Variants in DHODH observed in about 807,000 individuals in gnomAD.
The protein encoded by DHODH is dihydroorotate dehydrogenase (quinone), mitochondrial.
Under a neutral mutation model 39.7 loss-of-function variants are expected in DHODH, and 30 were observed. That is an observed-to-expected ratio of 0.76 (90% confidence interval 0.57 to 1.02). DHODH has a LOEUF of 1.02. DHODH is among the 50% of genes least tolerant of loss of function. DHODH has a pLI of 0.00. For missense variants in DHODH, 531 were observed against 520.8 expected, an observed-to-expected ratio of 1.02 and a Z score of -0.19; for synonymous variants, 222 against 213.8, an observed-to-expected ratio of 1.04 and a Z score of -0.34.
chr16:72,012,962 A>G (rs1029668777), intron 2 of DHODH, among the ~76,000 whole-genome samples: 2 of 152,134 alleles, frequency 1.3e-5, no homozygotes, highest in Middle Eastern at 3.2e-3. Context: ...AACCGAATAA[A>G]AGAGTCCCCA....
chr16:72,015,801 G>A (rs2041135539), intron 3 of DHODH: 1 of 985,478 alleles, frequency 1.0e-6, no homozygotes, highest in Non-Finnish European at 1.2e-6. Flanking sequence ...AGGTGAGCAG[G>A]GGTGTGAGAT....
intron 4 of DHODH, among the ~76,000 whole-genome samples, chr16:72,017,867 G>C (rs937867244): frequency 2.8e-5 from 4 of 145,274 alleles, no homozygotes; most frequent in African/African-American, 1.1e-4. Context: ...TGCTTCCCGC[G>C]TTCTCACTAT....
intron 1 of DHODH, 45 bp from the exon 2 acceptor site, chr16:72,012,005 T>C (rs2143970238): frequency 1.3e-6 from 2 of 1,561,314 alleles, no homozygotes; most frequent in East Asian, 4.5e-5. Context: ...GGAAGGGTGC[T>C]GCAGCCTGGC....
chr16:72,019,908 A>G (rs945565650), intron 4 of DHODH, among the ~76,000 whole-genome samples: 12 of 152,162 alleles, frequency 7.9e-5, no homozygotes, highest in South Asian at 4.1e-4. Flanking sequence ...CTGGAAGGCC[A>G]AGGCAAGCGG....
At chr16:72,022,741 T>A (rs2041234564) in intron 6 of DHODH, among the ~76,000 whole-genome samples, 1 of 152,198 alleles carries the variant, frequency 6.6e-6, no homozygotes, top group South Asian at 2.1e-4. Flanking sequence ...CCTTGGCCAG[T>A]CTTGACTGGG....
chr16:72,011,842 C>A (rs2041084827), intron 1 of DHODH, among the ~76,000 whole-genome samples: 2 of 151,962 alleles, frequency 1.3e-5, no homozygotes, highest in Admixed American at 6.5e-5. Context: ...GGCCTGGAGT[C>A]CCAGGACAGC....
chr16:72,018,418 G>A (rs1597395877), intron 4 of DHODH, among the ~76,000 whole-genome samples: 3 of 152,304 alleles, frequency 2.0e-5, no homozygotes, highest in Admixed American at 2.0e-4. Flanking sequence ...GAAACCCCTG[G>A]GTTGGGTGGA....
intron 1 of DHODH, among the ~76,000 whole-genome samples, chr16:72,009,502 T>A (rs1597392387): frequency 1.7e-5 from 1 of 57,438 alleles, no homozygotes; most frequent in African/African-American, 8.6e-5. Flanking sequence ...AGAGCGAGAC[T>A]CCGTCTCAAA....
chr16:72,021,087 G>A, intron 4 of DHODH, 37 bp from the exon 5 acceptor site: 1 of 1,567,170 alleles, frequency 6.4e-7, no homozygotes, highest in Non-Finnish European at 8.7e-7. Flanking sequence ...ACAGGAAAGG[G>A]TGTGCGGGGT....
In DHODH at chr16:72,022,386, C is replaced by G. The variant is rs267606768; in HGVS notation, c.730C>G (p.Arg244Gly). ...GGTGCTGCAGGAGAGGGATGGCTTGCGGAGAGTGCACAGGCCGGCAGTCCT... is the reference window on the plus strand; with the variant it reads ...GGTGCTGCAGGAGAGGGATGGCTTGGGGAGAGTGCACAGGCCGGCAGTCCT... ...TKVLQERDGLRRVHRPAVLVK... is the reference protein window; with the variant it reads ...TKVLQERDGLGRVHRPAVLVK... The change falls in exon 6 of 9, where the codon CGG (arginine) becomes GGG (glycine). Residue 244 changes from arginine (R) to glycine (G), a missense_variant. Coordinates refer to ENST00000219240, the MANE Select transcript of DHODH (RefSeq NM_001361.5). 6 of 1,554,930 alleles carry G rather than the reference C, an allele frequency of 3.9e-6. No individual in the cohort carries two copies. Among genetic ancestry groups the G allele is most frequent in the South Asian group, 1.2e-5 (1 of 84,236 alleles).
At chr16:72,011,956 GCCGTTATGCCCTCTGTGTA>G (rs2041086129) in intron 1 of DHODH, 75 bp from the exon 2 acceptor site, 1 of 979,438 alleles carries the variant, frequency 1.0e-6, no homozygotes, top group Non-Finnish European at 1.6e-6. Context: ...CATGTGACCT[GCCGTTATGCCCTCTGTGTA>G]CCTGGGTGTG....
At chr16:72,010,429 C>T (rs771059147) in intron 1 of DHODH, among the ~76,000 whole-genome samples, 1 of 152,212 alleles carries the variant, frequency 6.6e-6, no homozygotes, top group African/African-American at 2.4e-5. Context: ...AGGTTGAATA[C>T]TTCCATTACC....
At chr16:72,020,019 T>G (rs1027349202) in intron 4 of DHODH, among the ~76,000 whole-genome samples, 2 of 151,946 alleles carry the variant, frequency 1.3e-5, no homozygotes, top group Non-Finnish European at 2.9e-5. Flanking sequence ...GGCTCACGCC[T>G]GTAATCCCAG....
At chr16:72,020,335 A>ATATATATATATATATGTGTG (rs1567572743) in intron 4 of DHODH, 3 of 117,380 alleles carry the variant, frequency 2.6e-5, no homozygotes, top group African/African-American at 1.1e-4. Flanking sequence ...ATGTGTATAT[A>ATATATATATATATATGTGTG]TATATATATA....
At chr16:72,022,236 A>G in intron 5 of DHODH, 126 bp from the exon 6 acceptor site, 1 of 737,006 alleles carries the variant, frequency 1.4e-6, no homozygotes, top group Non-Finnish European at 2.4e-6. Flanking sequence ...GCTTTCCTGA[A>G]AAGAAATTGT....
At chr16:72,022,093 C>CAAAAAAAAAA (rs57957042) in intron 5 of DHODH, among the ~76,000 whole-genome samples, 1 of 86,066 alleles carries the variant, frequency 1.2e-5, no homozygotes, top group Non-Finnish European at 2.5e-5. Flanking sequence ...GACCTTGTCT[C>CAAAAAAAAAA]AAAAAAAAAA....
intron 3 of DHODH, chr16:72,015,739 G>A: frequency 2.0e-6 from 2 of 985,458 alleles, no homozygotes; most frequent in Non-Finnish European, 2.4e-6. Flanking sequence ...TTAACATTCA[G>A]CTGCTACAGA....
chr16:72,021,501 G>T (rs1456672061), intron 5 of DHODH, among the ~76,000 whole-genome samples, 190 bp downstream of exon 5: 1 of 152,162 alleles, frequency 6.6e-6, no homozygotes, highest in Non-Finnish European at 1.5e-5. Flanking sequence ...ATATGCGACG[G>T]TGACAAATTA....
rs1252733997 is a variant in DHODH, at chr16:72,012,142, T to C, written c.114T>C (p.Ala38=). 1 of 1,614,142 alleles carries C rather than the reference T, an allele frequency of 6.2e-7. No homozygotes were observed. ...LMATGDERFY[A]EHLMPTLQGL... is the part of the protein sequence containing the mutation. ...CCACGGGAGATGAGCGTTTCTATGC[T>C]GAACACCTGATGCCGACTCTGCAGG... The change falls in exon 2 of 9, where the codon GCT becomes GCC. Residue 38 remains alanine, a synonymous_variant. Transcript: ENST00000219240.
Sources: allele counts gnomAD v4.1 joint callset (sites outside exome capture counted in the v4.1 genomes callset), GRCh38; gene constraint gnomAD v4.1.1; transcripts MANE v1.5; gene names NCBI Gene and HGNC (gene_info 2026-07-23, HGNC 2026-07-21).